RPH3AL: variants seen among roughly 807,000 people sequenced by gnomAD.
The protein encoded by RPH3AL is rab effector Noc2.
A neutral mutation model predicts 43.1 loss-of-function variants in RPH3AL; 38 were observed. That is an observed-to-expected ratio of 0.88 (90% CI 0.68 to 1.15). The LOEUF is 1.15. RPH3AL is among the 50% of genes most tolerant of loss of function. The probability of loss-of-function intolerance (pLI) is 0.00; values close to 1 mark genes in which losing one functional copy is unlikely to be tolerated. For synonymous variants in RPH3AL, 189 were observed against 176.3 expected (o/e 1.07, Z -0.57); for missense variants, 462 against 423.2 (o/e 1.09, Z -0.81).
In RPH3AL at chr17:314,408, C is replaced by A. The variant is rs544476002; in HGVS notation, c.351+5012G>T. ...GTTGGCCATTCCCAAGTCTCTGTGC[C>A]CCACCTCCACTGACATGTAGTCCCT... is the stretch of plus-strand genomic sequence containing the variant. On this transcript the variant is annotated intron_variant, in intron 5 of 9. Transcript: ENST00000331302. Among the ~76,000 whole-genome samples the A allele has an allele frequency of 4.9e-3, 601 of 122,384 alleles. 5 individuals are homozygous for A. Among genetic ancestry groups the A allele is most frequent in the African/African-American group, 0.028 (578 of 20,974 alleles). 80.3% of individuals were successfully genotyped at this position (122,384 alleles called of 152,430 possible). A position where few individuals can be genotyped will look rare whatever the true frequency, so the allele number is the denominator to read the frequency against.
In RPH3AL at chr17:215,834, C is replaced by T; in HGVS notation, c.728-32G>A. 7.7e-7 allele frequency: 1 copy of T among 1,303,998 alleles called. No individual in the cohort carries two copies. Among genetic ancestry groups the T allele is most frequent in the Non-Finnish European group, 9.8e-7 (1 of 1,023,214 alleles). The allele number at this position is 1,303,998 out of a possible 1,614,324, so 80.8% of individuals were successfully genotyped here. A position where few individuals can be genotyped will look rare whatever the true frequency, so the allele number is the denominator to read the frequency against. ...GAAATCACGTGTGGGCCCCGTGGAT[C>T]TCAAACCGAGACGGGGTGATCTCAG... is the stretch of plus-strand genomic sequence containing the variant. On this transcript the variant is annotated intron_variant, in intron 8 of 9. Coordinates refer to ENST00000331302, the MANE Select transcript of RPH3AL (RefSeq NM_006987.4). This position sits in a 1 kb window ranked among gnomAD's most constrained non-coding sequence, Gnocchi z 4.1.
chr17:303,323 T>A (rs1323093707), intron 5 of RPH3AL, among the ~76,000 whole-genome samples: 1 of 151,338 alleles, frequency 6.6e-6, no homozygotes, highest in Non-Finnish European at 1.5e-5. Context: ...CCCAGAGGGG[T>A]GAGGCTGCCG....
chr17:331,785 C>T, intron 2 of RPH3AL: 6 of 1,289,188 alleles, frequency 4.7e-6, no homozygotes, highest in Non-Finnish European at 6.1e-6. Flanking sequence ...AAGTCTGACC[C>T]TTCTCTCTTA....
intron 6 of RPH3AL, among the ~76,000 whole-genome samples, chr17:272,956 C>T (rs151079733): frequency 0.057 from 1,901 of 33,526 alleles, 35 homozygotes; most frequent in East Asian, 0.18. Flanking sequence ...CCAGCAAGGG[C>T]TACGTCAGGG....
At chr17:232,469 C>G (rs1004105875) in intron 7 of RPH3AL, among the ~76,000 whole-genome samples, 3 of 152,172 alleles carry the variant, frequency 2.0e-5, no homozygotes, top group Non-Finnish European at 4.4e-5. Context: ...CAAATGGTAC[C>G]CAGGCCTCGG....
intron 6 of RPH3AL, among the ~76,000 whole-genome samples, chr17:251,063 C>T (rs2041891946): frequency 1.3e-5 from 2 of 152,334 alleles, no homozygotes; most frequent in South Asian, 4.1e-4. Flanking sequence ...CGGCACTTAA[C>T]TGGGCAGGGC....
rs530783094 is a variant in RPH3AL, at chr17:215,805, G to A, written c.728-3C>T. 33 of 1,299,026 alleles carry A rather than the reference G, an allele frequency of 2.5e-5. No homozygotes were observed. In the South Asian group the frequency reaches 8.0e-4, roughly 32 times the overall value. The allele number at this position is 1,299,026 out of a possible 1,614,324, so 80.5% of individuals were successfully genotyped here. ...CCTGGGGGCCTCCACGCTGCCACCTGTGGGAAATCACGTGTGGGCCCCGTG... is the reference window on the plus strand; with the variant it reads ...CCTGGGGGCCTCCACGCTGCCACCTATGGGAAATCACGTGTGGGCCCCGTG... On this transcript the variant is annotated splice_region_variant and splice_polypyrimidine_tract_variant and intron_variant, in intron 8 of 9. Transcript: ENST00000331302. The surrounding 1 kb of genome is among the most constrained non-coding windows in gnomAD (Gnocchi z 4.1).
rs541880454 is a variant in RPH3AL at position 339,960 on chromosome 17, G to A, written c.-212-6026C>T. Among the ~76,000 whole-genome samples the A allele has an allele frequency of 2.0e-5, 3 of 152,240 alleles. No individual in the cohort carries two copies. In the East Asian group the frequency reaches 5.8e-4, roughly 29 times the overall value. On this transcript the variant is annotated intron_variant, in intron 1 of 9. Coordinates refer to ENST00000331302, the MANE Select transcript of RPH3AL (RefSeq NM_006987.4). Reference sequence around the variant, plus strand: ...AGGGGCTGGGACCTGTGGGACCTCAGTCACCAGCCCTCAGTGCCACTGTTG... The same window carrying A: ...AGGGGCTGGGACCTGTGGGACCTCAATCACCAGCCCTCAGTGCCACTGTTG...
In RPH3AL at chr17:246,319, C is replaced by T. The variant is rs190427177; in HGVS notation, c.613+792G>A. Among the ~76,000 whole-genome samples the T allele has an allele frequency of 1.8e-4, 28 of 152,188 alleles. No homozygotes were observed. Among genetic ancestry groups the T allele is most frequent in the African/African-American group, 6.3e-4 (26 of 41,508 alleles). ...CCGTCTCATCTAAGACCCTCAGACCCTGAGTATTTGGCAGAAACGTGAGCA... is the reference window on the plus strand; with the variant it reads ...CCGTCTCATCTAAGACCCTCAGACCTTGAGTATTTGGCAGAAACGTGAGCA... On this transcript the variant is annotated intron_variant, in intron 7 of 9. Coordinates refer to ENST00000331302, the MANE Select transcript of RPH3AL (RefSeq NM_006987.4). The surrounding 1 kb of genome is among the most constrained non-coding windows in gnomAD (Gnocchi z 4.8).
At position 277,710 on chromosome 17, in the gene RPH3AL, G is replaced by A. The variant is rs2042686256; in HGVS notation, c.438+4058C>T. ...TGGCTCACGCCTGTAATCTCAGCAC[G>A]TTGGGAGACTGGGGCAGGTGGATTT... On this transcript the variant is annotated intron_variant, in intron 6 of 9. Coordinates refer to ENST00000331302, the MANE Select transcript of RPH3AL (RefSeq NM_006987.4). Among the ~76,000 whole-genome samples the A allele has an allele frequency of 2.0e-5, 3 of 152,164 alleles. 1 individual carries two copies. Among genetic ancestry groups the A allele is most frequent in the Middle Eastern group, 6.8e-3 (2 of 294 alleles).
chr17:261,891 G>A (rs1442316819), intron 6 of RPH3AL: 5 of 152,182 alleles, frequency 3.3e-5, no homozygotes, highest in African/African-American at 1.2e-4. Flanking sequence ...AACTACTCTG[G>A]GGTCTGGAGG....
chr17:227,357 C>T (rs936266940), intron 7 of RPH3AL, among the ~76,000 whole-genome samples: 3 of 129,812 alleles, frequency 2.3e-5, no homozygotes, highest in South Asian at 2.5e-4. Context: ...CTTCTGGAAA[C>T]GCTTTCTTGA....
chr17:230,754 G>A (rs960950901), intron 7 of RPH3AL, among the ~76,000 whole-genome samples: 4 of 152,184 alleles, frequency 2.6e-5, no homozygotes, highest in Non-Finnish European at 5.9e-5. Context: ...ACGTGCTTTC[G>A]GGTGCATCCT....
intron 5 of RPH3AL, among the ~76,000 whole-genome samples, chr17:293,761 G>C (rs183617779): frequency 0.012 from 1,775 of 152,096 alleles, 27 homozygotes; most frequent in Middle Eastern, 0.024. Flanking sequence ...GGGCGCGGTG[G>C]CTCACGCCTG....
chr17:255,995 G>A (rs1316535170), intron 6 of RPH3AL, among the ~76,000 whole-genome samples: 1 of 66,708 alleles, frequency 1.5e-5, no homozygotes, highest in Non-Finnish European at 3.2e-5. Flanking sequence ...GCTGCACGGT[G>A]TCTGTCCTTT....
rs1597906566 is a variant in RPH3AL at position 239,473 on chromosome 17, G to T, written c.613+7638C>A. On this transcript the variant is annotated intron_variant, in intron 7 of 9. Coordinates refer to ENST00000331302, the MANE Select transcript of RPH3AL (RefSeq NM_006987.4). ...CTCAGGCTACCCTTTCTCTACTCTT[G>T]TCTATTCCACTCGTCTGTTTATTCC... Among the ~76,000 whole-genome samples the T allele has an allele frequency of 2.6e-5, 4 of 152,208 alleles. No individual in the cohort carries two copies. In the South Asian group the frequency reaches 8.3e-4, roughly 32 times the overall value.
rs1420694153 is a variant in RPH3AL at position 212,417 on chromosome 17, CCA to C, written c.*1433_*1434del. 3 of 152,146 alleles carry C rather than the reference CCA, an allele frequency of 2.0e-5. No individual in the cohort carries two copies. The highest frequency in any genetic ancestry group is 4.4e-5 in the Non-Finnish European group (3 of 68,030). 9.4% of individuals were successfully genotyped at this position (152,146 alleles called of 1,614,324 possible). On this transcript the variant is annotated 3_prime_UTR_variant, in exon 10 of 10. Coordinates refer to ENST00000331302, the MANE Select transcript of RPH3AL (RefSeq NM_006987.4). ...GGAAGGGTTCCAGCAAGTCAACGCA[CCA>C]CAGTTTTTTCCATTTTTCCATGGAC... is the stretch of plus-strand genomic sequence containing the variant.
chr17:297,751 T>TC (rs1384557195), intron 5 of RPH3AL, among the ~76,000 whole-genome samples: 1 of 152,186 alleles, frequency 6.6e-6, no homozygotes, highest in Non-Finnish European at 1.5e-5. Flanking sequence ...GCAGCCTCGG[T>TC]CCTCTCTCCA....
intron 7 of RPH3AL, among the ~76,000 whole-genome samples, chr17:242,244 C>A (rs751681151): frequency 6.6e-6 from 1 of 151,866 alleles, no homozygotes. Context: ...AGTATCTATT[C>A]ATGATTACCT....
Sources: gnomAD v4.1 joint callset for allele counts (sites outside exome capture counted in the v4.1 genomes callset) on GRCh38, gnomAD v4.1.1 for gene constraint, Gnocchi (gnomAD v3.1) non-coding constraint, MANE v1.5 for transcripts, NCBI Gene and HGNC (gene_info 2026-07-23, HGNC 2026-07-21) for gene names.